The following UGT2B4 variants were observed in gnomAD, a reference collection of about 807,000 sequenced individuals.
UGT2B4 encodes the protein UDP-glucuronosyltransferase 2B4.
In UGT2B4, 49 loss-of-function variants were observed where a neutral mutation model predicts 49.8. That is an observed-to-expected ratio of 0.98 (90% CI 0.78 to 1.25). UGT2B4 has a LOEUF of 1.25. Among genes scored for constraint, UGT2B4 ranks in the 50% most tolerant of loss-of-function variants. The probability of loss-of-function intolerance (pLI) is 0.00; values close to 1 mark genes in which losing one functional copy is unlikely to be tolerated. For synonymous variants in UGT2B4, 246 were observed against 217.7 expected (o/e 1.13, Z -1.14); for missense variants, 729 against 627.7 (o/e 1.16, Z -1.73).
At position 69,523,339 on chromosome 4, in the gene UGT2B4, C is replaced by T. The variant is rs561733036; in HGVS notation, c.-106+2348G>A. On this transcript the variant is annotated intron_variant, in intron 1 of 1. Coordinates refer to the UGT2B4 transcript ENST00000510114. ...TTCTTAAATGATAAAACTTGAAAGTCAAAATTATACCTTGATCCATGGGTT... is the reference window on the plus strand; with the variant it reads ...TTCTTAAATGATAAAACTTGAAAGTTAAAATTATACCTTGATCCATGGGTT... Among the ~76,000 whole-genome samples, 3 of 152,126 alleles carry T rather than the reference C, an allele frequency of 2.0e-5. No homozygotes were observed. In the East Asian group the frequency reaches 5.8e-4, roughly 30 times the overall value.
intron 3 of UGT2B4, among the ~76,000 whole-genome samples, chr4:69,487,696 T>A (rs1009788269): frequency 6.6e-6 from 1 of 152,036 alleles, no homozygotes; most frequent in Non-Finnish European, 1.5e-5. Flanking sequence ...CCCCAAGACA[T>A]AAGTTTACCT....
chr4:69,502,141 CTT>C (rs1449976609), intron 1 of UGT2B4, among the ~76,000 whole-genome samples: 1 of 117,966 alleles, frequency 8.5e-6, no homozygotes, highest in African/African-American at 3.4e-5. Context: ...TTCTTTCTTT[CTT>C]TCTTTCTCTT....
chr4:69,489,959 T>G (rs981738361), intron 2 of UGT2B4, among the ~76,000 whole-genome samples: 1 of 152,164 alleles, frequency 6.6e-6, no homozygotes, highest in Admixed American at 6.6e-5. Flanking sequence ...TATGCTTATT[T>G]TAGGCAGGTT....
chr4:69,492,700 T>A (rs1319420343), intron 2 of UGT2B4, among the ~76,000 whole-genome samples: 1 of 152,124 alleles, frequency 6.6e-6, no homozygotes, highest in African/African-American at 2.4e-5. Flanking sequence ...TATTTCTGAA[T>A]CACTAACTAT....
chr4:69,494,066 A>G (rs1728074359), intron 1 of UGT2B4, among the ~76,000 whole-genome samples: 1 of 152,138 alleles, frequency 6.6e-6, no homozygotes. Context: ...TCATGAGGGA[A>G]AACTGCATCC....
At chr4:69,517,942 G>T (rs932934231) in intron 1 of UGT2B4, 1 of 158,954 alleles carries the variant, frequency 6.3e-6, no homozygotes. Context: ...ACAGGGAATG[G>T]CAGAGTCTAT....
intron 1 of UGT2B4, among the ~76,000 whole-genome samples, chr4:69,515,967 A>T (rs572275550): frequency 6.6e-6 from 1 of 152,234 alleles, no homozygotes. Flanking sequence ...CCTAGCATTC[A>T]TTAGCTATTT....
At chr4:69,500,668 A>AGAAAGAAAGAAG (rs1383264448), upstream of UGT2B4, among the ~76,000 whole-genome samples, 52 of 110,274 alleles carry the variant, frequency 4.7e-4, no homozygotes, top group African/African-American at 1.4e-3. Flanking sequence ...AAAGAAAGAA[A>AGAAAGAAAGAAG]GGAAGGAAAG....
At chr4:69,496,758 T>C (rs1279036007), upstream of UGT2B4, among the ~76,000 whole-genome samples, 1 of 152,176 alleles carries the variant, frequency 6.6e-6, no homozygotes, top group East Asian at 1.9e-4. Context: ...GGACATTTTT[T>C]AAATACATGG....
chr4:69,520,916 G>A (rs991643797), intron 1 of UGT2B4, among the ~76,000 whole-genome samples: 4 of 152,200 alleles, frequency 2.6e-5, no homozygotes, highest in East Asian at 1.9e-4. Context: ...TGATATGTCA[G>A]TTGAAGATGA....
At chr4:69,524,469 T>A (rs1728924726) in intron 1 of UGT2B4, among the ~76,000 whole-genome samples, 2 of 151,842 alleles carry the variant, frequency 1.3e-5, no homozygotes. Context: ...TGTAATAAGT[T>A]TGATATCTTA....
intron 1 of UGT2B4, among the ~76,000 whole-genome samples, chr4:69,522,913 G>T (rs1728880676): frequency 1.3e-5 from 2 of 152,106 alleles, no homozygotes; most frequent in South Asian, 4.1e-4. Context: ...ACAATGTTCA[G>T]ACCATTTTCA....
chr4:69,502,187 G>A (rs1246917324), intron 1 of UGT2B4, among the ~76,000 whole-genome samples: 1 of 53,910 alleles, frequency 1.9e-5, no homozygotes, highest in Admixed American at 2.9e-4. Flanking sequence ...TCATTCAGTT[G>A]TTATTTATTA....
At chr4:69,480,970 G>A (rs1577876884) in intron 5 of UGT2B4, 60 bp from the exon 6 acceptor site, 2 of 1,572,974 alleles carry the variant, frequency 1.3e-6, no homozygotes, top group South Asian at 1.2e-5. Context: ...CAGGCACGGA[G>A]GCTCACACCT....
At chr4:69,500,130 C>A (rs532921895), upstream of UGT2B4, among the ~76,000 whole-genome samples, 2 of 152,240 alleles carry the variant, frequency 1.3e-5, no homozygotes, top group South Asian at 4.1e-4. Context: ...TTATCCTCAG[C>A]AAACTAACAC....
chr4:69,492,197 T>C (rs939418963), intron 2 of UGT2B4, among the ~76,000 whole-genome samples: 1 of 152,040 alleles, frequency 6.6e-6, no homozygotes, highest in African/African-American at 2.4e-5. Context: ...CAGGCACTTA[T>C]GATGTTGAGA....
chr4:69,511,995 T>A (rs1728615660), intron 1 of UGT2B4, among the ~76,000 whole-genome samples: 1 of 152,012 alleles, frequency 6.6e-6, no homozygotes, highest in Admixed American at 6.6e-5. Context: ...GAGGCATTAG[T>A]TGCAATGCCT....
chr4:69,517,007 G>C (rs1170150023), intron 1 of UGT2B4, among the ~76,000 whole-genome samples: 1 of 151,804 alleles, frequency 6.6e-6, no homozygotes, highest in Non-Finnish European at 1.5e-5. Context: ...ATACCTTGTA[G>C]ATTATGACTA....
At chr4:69,517,349 T>G (rs1000991249) in intron 1 of UGT2B4, among the ~76,000 whole-genome samples, 2 of 152,182 alleles carry the variant, frequency 1.3e-5, no homozygotes, top group African/African-American at 4.8e-5. Flanking sequence ...GATATAAGAA[T>G]GATGACCATC....
Sources: allele counts gnomAD v4.1 joint callset (sites outside exome capture counted in the v4.1 genomes callset), GRCh38; gene constraint gnomAD v4.1.1; transcripts MANE v1.5; gene names NCBI Gene and HGNC (gene_info 2026-07-23, HGNC 2026-07-21).